TOX2: variants seen among roughly 807,000 people sequenced by gnomAD.
The protein encoded by TOX2 is granulosa cell HMG box 1.
TOX2 carries 15 observed loss-of-function variants against 47.4 expected under a neutral mutation model. That is an observed-to-expected ratio of 0.32 (90% CI 0.21 to 0.49). The LOEUF is 0.49. Ranked by LOEUF, TOX2 falls within the 20% of genes least tolerant of loss-of-function variation. TOX2 has a pLI of 0.99. For missense variants in TOX2, 622 were observed against 673.1 expected, an observed-to-expected ratio of 0.92 and a Z score of 0.84; for synonymous variants, 290 against 296.6, an observed-to-expected ratio of 0.98 and a Z score of 0.23.
intron 3 of TOX2, among the ~76,000 whole-genome samples, chr20:44,028,112 T>C (rs144956261): frequency 3.0e-4 from 45 of 152,084 alleles, no homozygotes; most frequent in Non-Finnish European, 5.9e-4. Context: ...ACAAGTTCAA[T>C]GGAAAAAATA....
intron 8 of TOX2, among the ~76,000 whole-genome samples, 181 bp downstream of exon 8, chr20:44,067,038 C>T (rs2145805715): frequency 6.6e-6 from 1 of 152,332 alleles, no homozygotes; most frequent in Middle Eastern, 3.4e-3. Flanking sequence ...CGGAAGGACT[C>T]TGCTGGCCTG....
chr20:44,060,338 G>A (rs1476235650), intron 5 of TOX2, among the ~76,000 whole-genome samples: 1 of 152,152 alleles, frequency 6.6e-6, no homozygotes, highest in Non-Finnish European at 1.5e-5. Context: ...GACAGCACTA[G>A]ACAGGTCATC....
intron 1 of TOX2, among the ~76,000 whole-genome samples, chr20:43,969,772 C>T (rs1647510215): frequency 6.6e-6 from 1 of 152,244 alleles, no homozygotes; most frequent in African/African-American, 2.4e-5. Context: ...CAGGCCCTGC[C>T]TCGGGAACCT....
At position 44,054,483 on chromosome 20, in the gene TOX2, T is replaced by C; in HGVS notation, c.836T>C (p.Ile279Thr). The change falls in exon 5 of 9, where the codon ATC becomes ACC. Residue 279 changes from isoleucine (I) to threonine (T), a missense_variant. Coordinates refer to ENST00000341197, the MANE Select transcript of TOX2 (RefSeq NM_001098797.2). ...PSATFGDVSK[I>T]VASMWDSLGE... ...GCCACTTTCGGTGACGTGTCCAAAATCGTGGCCTCCATGTGGGACAGCCTG... is the reference window on the plus strand; with the variant it reads ...GCCACTTTCGGTGACGTGTCCAAAACCGTGGCCTCCATGTGGGACAGCCTG... 6.2e-7 allele frequency: 1 copy of C among 1,613,984 alleles called. No individual in the cohort carries two copies. Among genetic ancestry groups the C allele is most frequent in the East Asian group, 2.2e-5 (1 of 44,872 alleles).
chr20:44,030,850 C>T (rs1374354304), intron 3 of TOX2, among the ~76,000 whole-genome samples: 1 of 152,224 alleles, frequency 6.6e-6, no homozygotes, highest in Admixed American at 6.5e-5. Flanking sequence ...GGACAAACTA[C>T]TCAAGGTCTA....
At chr20:43,959,798 TTGTCAAATACAAA>T (rs1186704219) in intron 1 of TOX2, among the ~76,000 whole-genome samples, 1 of 152,230 alleles carries the variant, frequency 6.6e-6, no homozygotes, top group African/African-American at 2.4e-5. Context: ...TGATAGATAA[TTGTCAAATACAAA>T]TATTGGCAGC....
At position 43,917,898 on chromosome 20, in the gene TOX2, C is replaced by T. The variant is rs534192648; in HGVS notation, c.99+2908C>T. Among the ~76,000 whole-genome samples, 6 of 152,244 alleles carry T rather than the reference C, an allele frequency of 3.9e-5. No homozygotes were observed. The South Asian group carries it at 6.2e-4, about 16-fold the overall frequency. ...GCTTTTTGAGCATAGGGATTTGTGG[C>T]CCCATGGCTCCCAGGATCTGTGGCT... On this transcript the variant is annotated intron_variant, in intron 1 of 8. Coordinates refer to ENST00000341197, the MANE Select transcript of TOX2 (RefSeq NM_001098797.2).
chr20:43,926,798 C>T (rs903358019), intron 1 of TOX2, among the ~76,000 whole-genome samples: 9 of 152,264 alleles, frequency 5.9e-5, no homozygotes, highest in Non-Finnish European at 1.2e-4. Flanking sequence ...GCACCAGTCT[C>T]CTCGAAAGAT....
chr20:43,995,765 T>C (rs2070465437), intron 2 of TOX2, among the ~76,000 whole-genome samples: 1 of 152,248 alleles, frequency 6.6e-6, no homozygotes, highest in Non-Finnish European at 1.5e-5. Context: ...ATGTGGTATT[T>C]GCTTTTCTGT....
chr20:44,040,436 C>T lies in TOX2; in HGVS notation c.412-10870C>T, dbSNP rs1054654461. Among the ~76,000 whole-genome samples the T allele has an allele frequency of 5.9e-5, 9 of 152,132 alleles. No individual in the cohort carries two copies. The East Asian group carries it at 1.7e-3, about 29-fold the overall frequency. ...GAGCTGGGAGGGGAGGCAGCAGGCC[C>T]AGGAGTTGAGGATGGAGAAGTGTCT... On this transcript the variant is annotated intron_variant, in intron 3 of 8. Transcript: ENST00000341197.
rs142601965 is a variant in TOX2 at position 44,061,485 on chromosome 20, A to G, written c.880-3292A>G. Among the ~76,000 whole-genome samples, 230 of 152,198 alleles carry G rather than the reference A, an allele frequency of 1.5e-3. 1 individual carries two copies. Among genetic ancestry groups the G allele is most frequent in the African/African-American group, 4.9e-3 (203 of 41,560 alleles). ...GATATACTTCAAGGTAATAAAAGCC[A>G]TCTATGATAAACCAGAGCCAACATT... On this transcript the variant is annotated intron_variant, in intron 5 of 8. Coordinates refer to ENST00000341197, the MANE Select transcript of TOX2 (RefSeq NM_001098797.2).
intron 5 of TOX2, among the ~76,000 whole-genome samples, chr20:44,062,028 G>A (rs2071726421): frequency 6.6e-6 from 1 of 151,766 alleles, no homozygotes; most frequent in Non-Finnish European, 1.5e-5. Context: ...TACACTGAAT[G>A]GGGAAAAGTT....
chr20:43,963,775 C>T (rs2069802681), intron 1 of TOX2, among the ~76,000 whole-genome samples: 1 of 152,168 alleles, frequency 6.6e-6, no homozygotes, highest in South Asian at 2.1e-4. Context: ...GGCAGTTGGA[C>T]TTTCTTATAA....
intron 3 of TOX2, among the ~76,000 whole-genome samples, chr20:44,044,043 A>G (rs949330378): frequency 6.6e-6 from 1 of 152,238 alleles, no homozygotes; most frequent in African/African-American, 2.4e-5. Context: ...TCCATCAGTG[A>G]TAGACTGGAT....
At chr20:43,994,150 C>T (rs536905695) in intron 2 of TOX2, among the ~76,000 whole-genome samples, 1 of 151,608 alleles carries the variant, frequency 6.6e-6, no homozygotes, top group Non-Finnish European at 1.5e-5. Context: ...GACCCTGTCT[C>T]GAAAAAGAAA....
chr20:43,929,432 C>A (rs560814290), intron 1 of TOX2, among the ~76,000 whole-genome samples: 1 of 152,294 alleles, frequency 6.6e-6, no homozygotes, highest in East Asian at 1.9e-4. Flanking sequence ...TGAGCAAAGT[C>A]AGAGTCAGTC....
rs73908523 is a variant in TOX2 at position 44,066,143 on chromosome 20, C to T, written c.1356+36C>T. On this transcript the variant is annotated intron_variant, in intron 7 of 8. Transcript: ENST00000341197. The stretch of plus-strand genomic sequence containing the variant: ...AAGAGCAGAACAGCCCTTCTGTGAC[C>T]GTGTGGGGAGGGGAAGCGGCTTTGC... The T allele has an allele frequency of 5.4e-4, 803 of 1,492,726 alleles. 1 individual carries two copies. The African/African-American group carries it at 9.4e-3, about 17-fold the overall frequency. The allele number at this position is 1,492,726 out of a possible 1,614,324, so 92.5% of individuals were successfully genotyped here.
intron 1 of TOX2, among the ~76,000 whole-genome samples, chr20:43,933,684 G>A (rs1302592316): frequency 6.6e-6 from 1 of 152,188 alleles, no homozygotes; most frequent in African/African-American, 2.4e-5. Flanking sequence ...TGTTGCCTCT[G>A]CAGCCCACAT....
intron 8 of TOX2, 81 bp from the exon 9 acceptor site, chr20:44,068,569 G>T: frequency 1.3e-6 from 2 of 1,493,246 alleles, no homozygotes; most frequent in Non-Finnish European, 1.8e-6. Context: ...TGGGGGTGGG[G>T]CGTACAGTGC....
Sources: gnomAD v4.1 joint callset for allele counts (sites outside exome capture counted in the v4.1 genomes callset) on GRCh38, gnomAD v4.1.1 for gene constraint, MANE v1.5 for transcripts, NCBI Gene and HGNC (gene_info 2026-07-23, HGNC 2026-07-21) for gene names.